Variants in PDK1 observed in about 807,000 individuals in gnomAD.
PDK1 encodes the protein [Pyruvate dehydrogenase (acetyl-transferring)] kinase isozyme 1, mitochondrial.
A neutral mutation model predicts 54.2 loss-of-function variants in PDK1; 39 were observed. The observed-to-expected ratio is 0.72, with a 90% CI of 0.56 to 0.94. The LOEUF is 0.94. Ranked by LOEUF, PDK1 falls within the 40% of genes least tolerant of loss-of-function variation. The probability of loss-of-function intolerance (pLI) is 0.00; values close to 1 mark genes in which losing one functional copy is unlikely to be tolerated. For missense variants in PDK1, 552 were observed against 566.0 expected (o/e 0.98, Z 0.25); for synonymous variants, 221 against 207.1 (o/e 1.07, Z -0.58).
At chr2:172,576,227 A>G (rs897676254) in intron 8 of PDK1, among the ~76,000 whole-genome samples, 1 of 152,148 alleles carries the variant, frequency 6.6e-6, no homozygotes, top group African/African-American at 2.4e-5. Flanking sequence ...CGCCCAGCCT[A>G]TAGTTTGTGT....
intron 9 of PDK1, among the ~76,000 whole-genome samples, chr2:172,592,646 C>T (rs1400989655): frequency 3.3e-5 from 5 of 152,118 alleles, no homozygotes; most frequent in Admixed American, 6.5e-5. Flanking sequence ...ACAATACGAC[C>T]GAGCAGGCCA....
At chr2:172,656,029 T>C in the PDK1 span, among the ~76,000 whole-genome samples, 118 of 152,326 alleles carry the variant, frequency 7.7e-4, no homozygotes, top group Admixed American at 1.2e-3. Flanking sequence ...TCTTTATAGT[T>C]TGTCCTCCAT....
At chr2:172,656,605 T>C in the PDK1 span, among the ~76,000 whole-genome samples, 1 of 152,154 alleles carries the variant, frequency 6.6e-6, no homozygotes, top group Admixed American at 6.5e-5. Flanking sequence ...CTCTAGTATA[T>C]TGCAAAATAG....
the PDK1 span, among the ~76,000 whole-genome samples, chr2:172,615,835 G>A: frequency 5.9e-5 from 9 of 152,194 alleles, no homozygotes; most frequent in South Asian, 2.1e-4. Flanking sequence ...TGTGGTGCCC[G>A]GTAAAAAAGA....
the PDK1 span, among the ~76,000 whole-genome samples, chr2:172,664,311 C>CAAAAAGAAA: frequency 2.3e-5 from 1 of 44,174 alleles, no homozygotes; most frequent in African/African-American, 9.8e-5. Flanking sequence ...AACTCTGCCT[C>CAAAAAGAAA]AAAAAAAAAA....
the PDK1 span, among the ~76,000 whole-genome samples, chr2:172,644,483 A>G: frequency 6.6e-6 from 1 of 152,146 alleles, no homozygotes; most frequent in South Asian, 2.1e-4. Context: ...GGTGGTTGTG[A>G]GGATTAAATA....
upstream of PDK1, chr2:172,555,898 C>T (rs1030153658): frequency 8.6e-6 from 3 of 349,222 alleles, no homozygotes; most frequent in East Asian, 9.0e-5. Flanking sequence ...GCATCTCCTT[C>T]CTCGGGAGGC....
the PDK1 span, among the ~76,000 whole-genome samples, chr2:172,692,547 G>C: frequency 6.6e-6 from 1 of 152,198 alleles, no homozygotes; most frequent in Non-Finnish European, 1.5e-5. Context: ...CTTTTGTAGA[G>C]AGAAGAGTTT....
At chr2:172,651,309 G>A in the PDK1 span, among the ~76,000 whole-genome samples, 8 of 152,092 alleles carry the variant, frequency 5.3e-5, no homozygotes, top group Admixed American at 1.3e-4. Flanking sequence ...AGAATCTCTG[G>A]GACACATTTA....
chr2:172,626,156 C>CTA, the PDK1 span, among the ~76,000 whole-genome samples: 1 of 151,886 alleles, frequency 6.6e-6, no homozygotes, highest in Admixed American at 6.6e-5. Context: ...AGTTAAGAAA[C>CTA]TAAGTTTATT....
At chr2:172,692,944 A>G in the PDK1 span, among the ~76,000 whole-genome samples, 1 of 152,240 alleles carries the variant, frequency 6.6e-6, no homozygotes, top group African/African-American at 2.4e-5. Flanking sequence ...TTCTGCAGTT[A>G]CAGCTTCACA....
chr2:172,618,243 C>T, the PDK1 span, among the ~76,000 whole-genome samples: 1 of 152,076 alleles, frequency 6.6e-6, no homozygotes, highest in African/African-American at 2.4e-5. Context: ...ACCCTGAAGT[C>T]ATCATTCATC....
the PDK1 span, among the ~76,000 whole-genome samples, chr2:172,703,770 T>TC: frequency 1.6e-5 from 2 of 128,462 alleles, no homozygotes; most frequent in African/African-American, 6.7e-5. Context: ...TTCTTTCTTT[T>TC]TTTTTTTTTT....
At chr2:172,696,159 C>G in the PDK1 span, among the ~76,000 whole-genome samples, 1 of 119,296 alleles carries the variant, frequency 8.4e-6, no homozygotes, top group African/African-American at 3.2e-5. Flanking sequence ...GCAACAAGAG[C>G]GAAACTCTGT....
the PDK1 span, among the ~76,000 whole-genome samples, chr2:172,684,370 T>C: frequency 0.018 from 2,689 of 152,130 alleles, 76 homozygotes; most frequent in African/African-American, 0.061. Context: ...TGCAGTGAGC[T>C]GAGATTGTGC....
At chr2:172,707,403 G>C in the PDK1 span, among the ~76,000 whole-genome samples, 3 of 152,218 alleles carry the variant, frequency 2.0e-5, no homozygotes, top group African/African-American at 4.8e-5. Context: ...GACTAGGCTA[G>C]AGTGGAAATC....
chr2:172,683,366 T>G, the PDK1 span, among the ~76,000 whole-genome samples: 2 of 150,134 alleles, frequency 1.3e-5, no homozygotes, highest in Non-Finnish European at 3.0e-5. Context: ...AAAAAACAAC[T>G]TATAAAGAAA....
chr2:172,660,113 A>G, the PDK1 span, among the ~76,000 whole-genome samples: 1 of 151,876 alleles, frequency 6.6e-6, no homozygotes, highest in Non-Finnish European at 1.5e-5. Context: ...AGAGGGACTG[A>G]CCCCAGGCCC....
chr2:172,686,934 A>G, the PDK1 span, among the ~76,000 whole-genome samples: 1 of 152,218 alleles, frequency 6.6e-6, no homozygotes, highest in Non-Finnish European at 1.5e-5. Context: ...TCTGTCTTTG[A>G]TATCATCTTT....
Sources: allele counts gnomAD v4.1 joint callset (sites outside exome capture counted in the v4.1 genomes callset), GRCh38; gene constraint gnomAD v4.1.1; transcripts MANE v1.5; gene names NCBI Gene and HGNC (gene_info 2026-07-23, HGNC 2026-07-21).